The following AUTS2 variants were observed in gnomAD, a reference collection of about 807,000 sequenced individuals.
AUTS2 encodes autism susceptibility gene 2 protein.
Under a neutral mutation model 112.4 loss-of-function variants are expected in AUTS2, and 17 were observed. The observed-to-expected ratio is 0.15, with a 90% CI of 0.10 to 0.23. The LOEUF (loss-of-function observed/expected upper bound fraction) is 0.23. Among genes scored for constraint, AUTS2 ranks in the 10% least tolerant of loss-of-function variants. AUTS2 has a pLI of 1.00. For missense variants in AUTS2, 1,510 were observed against 1,701.6 expected, an observed-to-expected ratio of 0.89 and a Z score of 1.98; for synonymous variants, 751 against 702.7, an observed-to-expected ratio of 1.07 and a Z score of -1.09.
rs546500801 is a variant in AUTS2 at position 69,789,319 on chromosome 7, T to G, written c.310-109967T>G. Among the ~76,000 whole-genome samples, 33 of 152,340 alleles carry G rather than the reference T, an allele frequency of 2.2e-4. 1 individual carries two copies. In the East Asian group the frequency reaches 6.2e-3, roughly 28 times the overall value. On this transcript the variant is annotated intron_variant, in intron 1 of 18. Transcript: ENST00000342771. Reference sequence around the variant, plus strand: ...AGACCAATTCAGTCAGAATCTCTGATGGTGAGCCCCAAGTATCAATATTTT... The same window carrying G: ...AGACCAATTCAGTCAGAATCTCTGAGGGTGAGCCCCAAGTATCAATATTTT...
intron 14 of AUTS2, among the ~76,000 whole-genome samples, chr7:70,778,915 G>A (rs1007343705): frequency 4.6e-5 from 7 of 152,178 alleles, no homozygotes; most frequent in African/African-American, 7.2e-5. Context: ...GATGTTGCAC[G>A]TGCCACTTTA....
rs1405917395 is a variant in AUTS2 at position 70,790,850 on chromosome 7, C to T, written c.3634C>T (p.Pro1212Ser). ...CCAGAACGGACTCCTCAACAAGACC[C>T]CTCCGACAGCAGCGCTGAGCGCACC... ...GNQNGLLNKT[P>S]PTAALSAPPP... The change falls in exon 19 of 19, where the codon CCT becomes TCT. Residue 1212 changes from proline to serine, a missense_variant. Around this residue, in one of 3 missense-constraint regions of AUTS2, gnomAD observed 788 missense variants for 797.6 expected, o/e 0.99. Transcript: ENST00000342771. The surrounding 1 kb of genome is among the most constrained non-coding windows in gnomAD (Gnocchi z 7.6). The T allele has an allele frequency of 1.2e-6, 2 of 1,606,996 alleles. No individual in the cohort carries two copies.
At chr7:69,791,794 T>C (rs1013733545) in intron 1 of AUTS2, among the ~76,000 whole-genome samples, 2 of 152,236 alleles carry the variant, frequency 1.3e-5, no homozygotes, top group African/African-American at 4.8e-5. Flanking sequence ...AATGGTGCAG[T>C]TGCAGAAGTG....
rs147273061 is a variant in AUTS2 at position 69,654,772 on chromosome 7, A to G, written c.309+54810A>G. Among the ~76,000 whole-genome samples, 55 of 152,108 alleles carry G rather than the reference A, an allele frequency of 3.6e-4. 1 individual carries two copies. The South Asian group carries it at 9.2e-3, about 26-fold the overall frequency. On this transcript the variant is annotated intron_variant, in intron 1 of 18. Coordinates refer to ENST00000342771, the MANE Select transcript of AUTS2 (RefSeq NM_015570.4). ...AGCACTTACTGTCTTTATATTTTCAATGAACTAAGTGGGGTGTTCTGGGTG... is the reference window on the plus strand; with the variant it reads ...AGCACTTACTGTCTTTATATTTTCAGTGAACTAAGTGGGGTGTTCTGGGTG...
chr7:70,705,745 T>C (rs1809703018), intron 6 of AUTS2, among the ~76,000 whole-genome samples: 1 of 152,164 alleles, frequency 6.6e-6, no homozygotes, highest in Non-Finnish European at 1.5e-5. Flanking sequence ...AAAGTGGAGA[T>C]TCATTTTACC....
At chr7:70,660,295 A>T (rs1212109102) in intron 5 of AUTS2, among the ~76,000 whole-genome samples, 2 of 152,142 alleles carry the variant, frequency 1.3e-5, no homozygotes. Flanking sequence ...GGTCAATGAG[A>T]TCTCAGTGTG....
intron 2 of AUTS2, among the ~76,000 whole-genome samples, chr7:70,063,746 G>A (rs755864922): frequency 6.6e-6 from 1 of 152,074 alleles, no homozygotes; most frequent in Non-Finnish European, 1.5e-5. Flanking sequence ...AAAGAACACC[G>A]CGAAAAGAGC....
intron 1 of AUTS2, among the ~76,000 whole-genome samples, chr7:69,710,757 C>T (rs1345241842): frequency 1.3e-5 from 2 of 152,188 alleles, no homozygotes; most frequent in African/African-American, 2.4e-5. Flanking sequence ...ACCTCCATTG[C>T]GCTGTTTAAA....
intron 2 of AUTS2, among the ~76,000 whole-genome samples, chr7:70,014,279 G>A (rs1799933062): frequency 1.3e-5 from 2 of 152,134 alleles, no homozygotes; most frequent in South Asian, 4.1e-4. Flanking sequence ...TTACATCTAA[G>A]GAAGCACTAA....
chr7:70,058,993 C>A (rs1802119863), intron 2 of AUTS2, among the ~76,000 whole-genome samples: 1 of 152,160 alleles, frequency 6.6e-6, no homozygotes, highest in African/African-American at 2.4e-5. Flanking sequence ...ACAGTTGCTA[C>A]AGTTGATTAA....
chr7:70,747,460 A>C (rs1232546247), intron 6 of AUTS2, among the ~76,000 whole-genome samples: 2 of 152,010 alleles, frequency 1.3e-5, no homozygotes, highest in African/African-American at 4.8e-5. Flanking sequence ...GAGCTCATCT[A>C]TTTATTATTT....
chr7:70,729,133 C>G (rs1563156514), intron 6 of AUTS2: 1 of 456,492 alleles, frequency 2.2e-6, no homozygotes, highest in Admixed American at 2.3e-5. Context: ...GCCACACCCT[C>G]CATCACTCTT....
At chr7:70,110,776 T>G (rs1805032371) in intron 2 of AUTS2, among the ~76,000 whole-genome samples, 2 of 152,090 alleles carry the variant, frequency 1.3e-5, no homozygotes, top group Admixed American at 1.3e-4. Flanking sequence ...GTTTCTTACT[T>G]TGCATTAATG....
At chr7:70,463,816 G>A (rs1419381086) in intron 5 of AUTS2, among the ~76,000 whole-genome samples, 1 of 152,240 alleles carries the variant, frequency 6.6e-6, no homozygotes, top group African/African-American at 2.4e-5. Context: ...ACCATGGAGA[G>A]GGAGGAAGGA....
chr7:69,866,277 C>A (rs1793228225), intron 1 of AUTS2, among the ~76,000 whole-genome samples: 1 of 152,168 alleles, frequency 6.6e-6, no homozygotes, highest in African/African-American at 2.4e-5. Context: ...CCTCCCATAC[C>A]CAAACAACCC....
At position 69,630,513 on chromosome 7, in the gene AUTS2, C is replaced by G. The variant is rs140430624; in HGVS notation, c.309+30551C>G. 2.1e-4 allele frequency among the ~76,000 whole-genome samples: 32 copies of G among 152,204 alleles called. No homozygotes were observed. In the East Asian group the frequency reaches 6.0e-3, roughly 28 times the overall value. Reference sequence around the variant, plus strand: ...TCACAGCGTGACCTTTCAGGGAAAACAAAACAAGCAAACCACCAAACACAT... The same window carrying G: ...TCACAGCGTGACCTTTCAGGGAAAAGAAAACAAGCAAACCACCAAACACAT... On this transcript the variant is annotated intron_variant, in intron 1 of 18. Transcript: ENST00000342771.
At chr7:69,980,419 CT>C (rs1798247948) in intron 2 of AUTS2, among the ~76,000 whole-genome samples, 2 of 152,072 alleles carry the variant, frequency 1.3e-5, no homozygotes, top group Admixed American at 1.3e-4. Context: ...TTTTTGGAAC[CT>C]CATTTGTAGG....
At chr7:70,598,022 A>G (rs1414926939) in intron 5 of AUTS2, among the ~76,000 whole-genome samples, 1 of 152,192 alleles carries the variant, frequency 6.6e-6, no homozygotes, top group Non-Finnish European at 1.5e-5. Context: ...TGCATCTTGA[A>G]TACTGCATGC....
intron 1 of AUTS2, among the ~76,000 whole-genome samples, chr7:69,832,428 T>A (rs1191543518): frequency 1.3e-5 from 2 of 152,194 alleles, no homozygotes; most frequent in Non-Finnish European, 2.9e-5. Context: ...TGGAAGATCC[T>A]GACCTCAGCA....
Sources: allele counts gnomAD v4.1 joint callset (sites outside exome capture counted in the v4.1 genomes callset), GRCh38; gene constraint gnomAD v4.1.1; regional missense constraint gnomAD v4.1.1; non-coding constraint Gnocchi (gnomAD v3.1); transcripts MANE v1.5; gene names NCBI Gene and HGNC (gene_info 2026-07-23, HGNC 2026-07-21).